The following SHC3 variants were observed in gnomAD, a reference collection of about 807,000 sequenced individuals.
The protein encoded by SHC3 is SHC adaptor protein 3.
SHC3 carries 15 observed loss-of-function variants against 60.4 expected under a neutral mutation model. The ratio of observed to expected loss-of-function variants is 0.25; its 90% CI spans 0.17 to 0.38. The LOEUF is 0.38. Among genes scored for constraint, SHC3 ranks in the 10% least tolerant of loss-of-function variants. The probability of loss-of-function intolerance (pLI) is 1.00; values close to 1 mark genes in which losing one functional copy is unlikely to be tolerated. For missense variants in SHC3, 677 were observed against 786.1 expected (o/e 0.86, Z 1.66); for synonymous variants, 294 against 325.9 (o/e 0.90, Z 1.05).
intron 2 of SHC3, among the ~76,000 whole-genome samples, chr9:89,085,675 G>A (rs1036132111): frequency 3.9e-5 from 6 of 152,208 alleles, no homozygotes; most frequent in African/African-American, 1.2e-4. Flanking sequence ...TCCAGTTTCT[G>A]TTTAATTCAG....
chr9:89,060,797 A>G (rs374851194), intron 6 of SHC3, among the ~76,000 whole-genome samples: 2 of 152,060 alleles, frequency 1.3e-5, no homozygotes, highest in African/African-American at 2.4e-5. Context: ...ATGATTAATT[A>G]TGGAGCCTGT....
intron 1 of SHC3, among the ~76,000 whole-genome samples, chr9:89,140,218 A>C (rs1465944594): frequency 6.6e-6 from 1 of 152,202 alleles, no homozygotes; most frequent in Non-Finnish European, 1.5e-5. Context: ...AGTAGTTGTA[A>C]GATTTTTCAT....
intron 1 of SHC3, among the ~76,000 whole-genome samples, chr9:89,126,683 C>G (rs765407361): frequency 1.3e-5 from 2 of 152,114 alleles, no homozygotes; most frequent in Non-Finnish European, 2.9e-5. Flanking sequence ...TTTCTCCCTT[C>G]CCTTTTTTTC....
At chr9:89,068,551 A>C (rs1825219021) in intron 5 of SHC3, among the ~76,000 whole-genome samples, 1 of 152,250 alleles carries the variant, frequency 6.6e-6, no homozygotes. Flanking sequence ...TAAAATGGAA[A>C]GTAACTAGGC....
At chr9:89,089,254 A>C (rs1825582164) in intron 2 of SHC3, among the ~76,000 whole-genome samples, 1 of 152,182 alleles carries the variant, frequency 6.6e-6, no homozygotes, top group Non-Finnish European at 1.5e-5. Flanking sequence ...AAGAAGCCCC[A>C]CTGATAGAAT....
intron 1 of SHC3, among the ~76,000 whole-genome samples, chr9:89,127,844 T>C (rs1048846698): frequency 1.3e-5 from 2 of 148,530 alleles, no homozygotes; most frequent in Admixed American, 6.8e-5. Context: ...TTTTTGGGGG[T>C]ATAGGATCCA....
intron 1 of SHC3, among the ~76,000 whole-genome samples, chr9:89,177,340 TAC>T (rs1213691957): frequency 6.6e-6 from 1 of 152,218 alleles, no homozygotes; most frequent in Non-Finnish European, 1.5e-5. Context: ...AATGGAAGAC[TAC>T]AGTCACCAGA....
At chr9:89,035,949 A>C (rs926115361) in intron 11 of SHC3, among the ~76,000 whole-genome samples, 1 of 151,212 alleles carries the variant, frequency 6.6e-6, no homozygotes. Flanking sequence ...TAAAGTCTAC[A>C]TGTGAAAGAT....
chr9:89,076,687 T>C (rs1310960563), intron 3 of SHC3, among the ~76,000 whole-genome samples: 7 of 152,244 alleles, frequency 4.6e-5, no homozygotes, highest in African/African-American at 1.2e-4. Flanking sequence ...TCTACCTGCA[T>C]TGTGGCCTTT....
chr9:89,043,960 T>C (rs1365269135), intron 9 of SHC3, among the ~76,000 whole-genome samples: 3 of 152,208 alleles, frequency 2.0e-5, no homozygotes, highest in Non-Finnish European at 4.4e-5. Context: ...TGCCTATTTA[T>C]TGTTTTCAAA....
chr9:89,046,450 A>G (rs1824777108), intron 8 of SHC3, among the ~76,000 whole-genome samples: 2 of 152,184 alleles, frequency 1.3e-5, no homozygotes, highest in African/African-American at 4.8e-5. Flanking sequence ...AATAAAATAG[A>G]AAACTCATAA....
At chr9:89,114,649 G>C (rs1213557941) in intron 1 of SHC3, among the ~76,000 whole-genome samples, 2 of 152,064 alleles carry the variant, frequency 1.3e-5, no homozygotes, top group Non-Finnish European at 2.9e-5. Context: ...ACCACTCTGT[G>C]GATGCTAGGT....
chr9:89,015,827 G>A (rs1362411838), intron 11 of SHC3, among the ~76,000 whole-genome samples: 2 of 152,222 alleles, frequency 1.3e-5, no homozygotes, highest in South Asian at 2.1e-4. Context: ...GCATCGTAAA[G>A]AGGAAATAAA....
chr9:89,026,726 C>CA (rs1451220765), intron 11 of SHC3, among the ~76,000 whole-genome samples: 11 of 152,214 alleles, frequency 7.2e-5, no homozygotes, highest in African/African-American at 2.7e-4. Context: ...CCTGTCCGCC[C>CA]AGGGCTTACA....
intron 2 of SHC3, among the ~76,000 whole-genome samples, chr9:89,100,609 G>T (rs908835035): frequency 6.6e-6 from 1 of 152,074 alleles, no homozygotes; most frequent in African/African-American, 2.4e-5. Context: ...TCCCCAAAAG[G>T]TTTCTCCATG....
intron 2 of SHC3, among the ~76,000 whole-genome samples, chr9:89,110,668 A>G (rs1825934303): frequency 6.6e-6 from 1 of 152,254 alleles, no homozygotes; most frequent in Non-Finnish European, 1.5e-5. Flanking sequence ...AGAGACAGAA[A>G]GCATCATGGA....
rs1234883204 is a variant in SHC3, at chr9:89,045,786, G to C, written c.1161C>G (p.Asp387Glu). Residue 387 changes from aspartate (D) to glutamate (E), a missense_variant, in exon 9 of 12, where the codon GAC becomes GAG. Physicochemically the swap from Asp to Glu is conservative, Grantham distance 45. Transcript: ENST00000375835. ...QTYYQGRHLGDTFGEDWQQTP... is the reference protein window; with the variant it reads ...QTYYQGRHLGETFGEDWQQTP... ...TTTGCTGCCAGTCTTCGCCAAAAGT[G>C]TCTCCTAAGTGTCTTCCCTGGTAAT... is the stretch of plus-strand genomic sequence containing the variant. 1.5e-5 allele frequency: 24 copies of C among 1,614,010 alleles called. No individual in the cohort carries two copies. The highest frequency in any genetic ancestry group is 2.0e-5 in the Non-Finnish European group (24 of 1,180,020).
At chr9:89,155,772 C>A (rs564825296) in intron 1 of SHC3, among the ~76,000 whole-genome samples, 6 of 152,256 alleles carry the variant, frequency 3.9e-5, no homozygotes, top group Non-Finnish European at 7.3e-5. Context: ...GATTGTCAAC[C>A]CAGCTCTGGT....
At chr9:89,136,742 G>C (rs1245200674) in intron 1 of SHC3, among the ~76,000 whole-genome samples, 1 of 152,142 alleles carries the variant, frequency 6.6e-6, no homozygotes, top group African/African-American at 2.4e-5. Flanking sequence ...TTTACTCTAT[G>C]GATTTGCCTC....
Sources: gnomAD v4.1 joint callset for allele counts (sites outside exome capture counted in the v4.1 genomes callset) on GRCh38, gnomAD v4.1.1 for gene constraint, MANE v1.5 for transcripts, NCBI Gene and HGNC (gene_info 2026-07-23, HGNC 2026-07-21) for gene names.